Variants in PDE4D observed in about 807,000 individuals in gnomAD.
PDE4D encodes the protein 3',5'-cyclic-AMP phosphodiesterase 4D.
PDE4D carries 24 observed loss-of-function variants against 87.4 expected under a neutral mutation model. The observed-to-expected ratio is 0.27, with a 90% CI of 0.20 to 0.39. The LOEUF (loss-of-function observed/expected upper bound fraction) is 0.39. Ranked by LOEUF, PDE4D falls within the 10% of genes least tolerant of loss-of-function variation. PDE4D has a pLI of 1.00. For synonymous variants in PDE4D, 384 were observed against 383.2 expected (o/e 1.00, Z -0.02); for missense variants, 714 against 1,041.0 (o/e 0.69, Z 4.32).
chr5:59,746,924 A>G (rs1042402527), intron 1 of PDE4D, among the ~76,000 whole-genome samples: 4 of 152,110 alleles, frequency 2.6e-5, no homozygotes, highest in Middle Eastern at 3.2e-3. Context: ...AACTCACATC[A>G]TTAATCTGCT....
intron 1 of PDE4D, among the ~76,000 whole-genome samples, chr5:59,272,145 T>C (rs1763943984): frequency 6.6e-6 from 1 of 152,056 alleles, no homozygotes; most frequent in African/African-American, 2.4e-5. Context: ...TCAGATTACA[T>C]AATGAATGAT....
chr5:59,890,715 T>A (rs1360254283), intron 1 of PDE4D, among the ~76,000 whole-genome samples: 1 of 152,236 alleles, frequency 6.6e-6, no homozygotes, highest in Non-Finnish European at 1.5e-5. Flanking sequence ...CAGTCTTAGC[T>A]CTAGCACTCA....
intron 1 of PDE4D, among the ~76,000 whole-genome samples, chr5:59,392,525 T>TATATATATATATATATATG (rs1788457915): frequency 1.0e-5 from 1 of 96,822 alleles, no homozygotes; most frequent in East Asian, 4.4e-4. Flanking sequence ...ATATATATAT[T>TATATATATATATATATATG]CCATTAATTC....
At position 59,215,871 on chromosome 5, in the gene PDE4D, T is replaced by C. The variant is rs764761417; in HGVS notation, c.553A>G (p.Ser185Gly). 3 of 1,613,704 alleles carry C rather than the reference T, an allele frequency of 1.9e-6. 1 individual carries two copies. In the Admixed American group the frequency reaches 5.0e-5, roughly 27 times the overall value. ...GLILQANFVHSQRRESFLYRS... is the reference protein window; with the variant it reads ...GLILQANFVHGQRRESFLYRS... ...TACAGGAAGGACTCCCGTCGTTGAC[T>C]GTGGACAAAATTTGCTTGGAGAATT... is the stretch of plus-strand genomic sequence containing the variant. The change falls in exon 2 of 15, where the codon AGT (serine) becomes GGT (glycine). Residue 185 changes from serine (S) to glycine (G), a missense_variant. Coordinates refer to ENST00000340635, the MANE Select transcript of PDE4D (RefSeq NM_001104631.2).
intron 1 of PDE4D, among the ~76,000 whole-genome samples, chr5:60,502,979 A>G (rs1583948860): frequency 6.6e-6 from 1 of 152,182 alleles, no homozygotes; most frequent in Non-Finnish European, 1.5e-5. Flanking sequence ...AAATTTTTAG[A>G]ACCTTACAAC....
intron 1 of PDE4D, among the ~76,000 whole-genome samples, chr5:59,361,588 G>T (rs1333444816): frequency 1.3e-5 from 2 of 152,076 alleles, no homozygotes; most frequent in Non-Finnish European, 2.9e-5. Context: ...AGTCTTCCCT[G>T]CCTCCCCATA....
chr5:59,688,860 A>G (rs907412629), intron 1 of PDE4D, among the ~76,000 whole-genome samples: 7 of 152,216 alleles, frequency 4.6e-5, no homozygotes, highest in Non-Finnish European at 8.8e-5. Flanking sequence ...AGAATCAAAT[A>G]GACGCAATAA....
chr5:60,156,632 G>A (rs569303091), intron 2 of PDE4D, among the ~76,000 whole-genome samples: 1 of 151,820 alleles, frequency 6.6e-6, no homozygotes, highest in East Asian at 1.9e-4. Flanking sequence ...GTTTCATTCT[G>A]GAACACTTGA....
At chr5:59,914,079 C>T (rs190467685) in intron 3 of PDE4D, among the ~76,000 whole-genome samples, 93 of 884 alleles carry the variant, frequency 0.11, no homozygotes, top group Admixed American at 0.16. Flanking sequence ...TATTGACTCC[C>T]ACTTGTGCAA....
chr5:59,774,255 T>A (rs1763856132), intron 1 of PDE4D, among the ~76,000 whole-genome samples: 2 of 152,338 alleles, frequency 1.3e-5, no homozygotes, highest in African/African-American at 4.8e-5. Flanking sequence ...CTTATTTCAA[T>A]ATTTCCTATT....
intron 1 of PDE4D, among the ~76,000 whole-genome samples, chr5:59,659,015 G>T (rs1157830195): frequency 6.6e-6 from 1 of 152,070 alleles, no homozygotes; most frequent in Non-Finnish European, 1.5e-5. Context: ...AAACATAAAA[G>T]AAATTTTAAT....
chr5:59,232,612 G>A (rs1013778379), intron 1 of PDE4D, among the ~76,000 whole-genome samples: 10 of 151,710 alleles, frequency 6.6e-5, no homozygotes, highest in African/African-American at 1.9e-4. Flanking sequence ...ACAGCATAGA[G>A]ATTTCCCAGA....
At chr5:60,448,067 C>A (rs931275520) in intron 1 of PDE4D, among the ~76,000 whole-genome samples, 33 of 151,976 alleles carry the variant, frequency 2.2e-4, no homozygotes, top group Non-Finnish European at 4.3e-4. Context: ...AAAATAGATT[C>A]ATTTTAAATC....
intron 2 of PDE4D, among the ~76,000 whole-genome samples, chr5:60,050,029 G>A (rs997543157): frequency 4.3e-4 from 66 of 152,292 alleles, no homozygotes; most frequent in African/African-American, 1.4e-3. Context: ...CTCTGTTGGC[G>A]TAGGACCCTC....
chr5:60,062,718 T>C (rs1187164360), intron 2 of PDE4D, among the ~76,000 whole-genome samples: 1 of 152,148 alleles, frequency 6.6e-6, no homozygotes, highest in Non-Finnish European at 1.5e-5. Context: ...ATATACACCA[T>C]AGAATACTAT....
chr5:59,885,739 A>G (rs989079009), intron 1 of PDE4D, among the ~76,000 whole-genome samples: 35 of 148,222 alleles, frequency 2.4e-4, no homozygotes, highest in African/African-American at 8.7e-4. Flanking sequence ...TTTTTTTTTC[A>G]TAAGTTAGAT....
At chr5:59,220,250 C>T (rs1305746911) in intron 1 of PDE4D, among the ~76,000 whole-genome samples, 1 of 151,624 alleles carries the variant, frequency 6.6e-6, no homozygotes, top group Non-Finnish European at 1.5e-5. Flanking sequence ...AGCACAGTAG[C>T]TCATGCCTGT....
chr5:59,468,028 A>G (rs1582747467), intron 1 of PDE4D, among the ~76,000 whole-genome samples: 2 of 152,196 alleles, frequency 1.3e-5, no homozygotes, highest in South Asian at 2.1e-4. Flanking sequence ...GCATGTGCAC[A>G]TCTGTTTCCA....
intron 2 of PDE4D, among the ~76,000 whole-genome samples, chr5:60,060,285 G>C (rs1244631835): frequency 6.6e-6 from 1 of 152,008 alleles, no homozygotes; most frequent in Non-Finnish European, 1.5e-5. Flanking sequence ...AGTTAATTCA[G>C]TTATTTGATT....
Sources: gnomAD v4.1 joint callset for allele counts (sites outside exome capture counted in the v4.1 genomes callset) on GRCh38, gnomAD v4.1.1 for gene constraint, MANE v1.5 for transcripts, NCBI Gene and HGNC (gene_info 2026-07-23, HGNC 2026-07-21) for gene names.